DAB2: variants seen among roughly 807,000 people sequenced by gnomAD.
DAB2 encodes the protein disabled homolog 2.
Under a neutral mutation model 71.6 loss-of-function variants are expected in DAB2, and 28 were observed. The ratio of observed to expected loss-of-function variants is 0.39; its 90% CI spans 0.29 to 0.54. DAB2 has a LOEUF of 0.54. DAB2 is among the 20% of genes least tolerant of loss of function. The probability of loss-of-function intolerance (pLI) is 0.68; values close to 1 mark genes in which losing one functional copy is unlikely to be tolerated. For synonymous variants in DAB2, 345 were observed against 339.7 expected, an observed-to-expected ratio of 1.02 and a Z score of -0.17; for missense variants, 867 against 928.8, an observed-to-expected ratio of 0.93 and a Z score of 0.86.
intron 1 of DAB2, among the ~76,000 whole-genome samples, chr5:39,407,784 C>A (rs553298788): frequency 2.6e-5 from 4 of 152,128 alleles, no homozygotes; most frequent in Non-Finnish European, 5.9e-5. Flanking sequence ...AAACTCTATG[C>A]GGATGTTAGA....
chr5:39,388,255 A>T, intron 9 of DAB2, 50 bp downstream of exon 9: 2 of 1,330,416 alleles, frequency 1.5e-6, no homozygotes, highest in Non-Finnish European at 2.1e-6. Context: ...TGCCAATTTG[A>T]GTTATAGATG....
At chr5:39,383,916 G>A (rs115686877) in intron 9 of DAB2, among the ~76,000 whole-genome samples, 6,832 of 152,200 alleles carry the variant, frequency 0.045, 221 homozygotes, top group Non-Finnish European at 0.066. Context: ...CGGCCTTCAG[G>A]TATGTCTCTT....
chr5:39,396,015 C>T (rs1579914050), intron 1 of DAB2, among the ~76,000 whole-genome samples: 1 of 124,430 alleles, frequency 8.0e-6, no homozygotes, highest in East Asian at 2.4e-4. Flanking sequence ...CGATTTCGGC[C>T]CACTGCAACC....
At chr5:39,399,968 A>G (rs1468981010) in intron 1 of DAB2, among the ~76,000 whole-genome samples, 1 of 152,170 alleles carries the variant, frequency 6.6e-6, no homozygotes, top group Non-Finnish European at 1.5e-5. Context: ...TTGAAGCAAT[A>G]TCATAATACA....
At chr5:39,378,192 C>A (rs966537457) in intron 11 of DAB2, among the ~76,000 whole-genome samples, 1 of 152,224 alleles carries the variant, frequency 6.6e-6, no homozygotes, top group Non-Finnish European at 1.5e-5. Context: ...TTCGTTAAAT[C>A]GCCAGAATCC....
rs1211299591 is a variant in DAB2, at chr5:39,371,926, AACTATT to A, written c.*1499_*1504del. ...ATAGAAAATTATGCCATATATGATC[AACTATT>A]ACCATTAAACATAAAACCACAGGAC... On this transcript the variant is annotated 3_prime_UTR_variant, in exon 15 of 15. Transcript: ENST00000320816. 6.6e-6 allele frequency: 1 copy of A among 152,194 alleles called. No homozygotes were observed. Among genetic ancestry groups the A allele is most frequent in the Non-Finnish European group, 1.5e-5 (1 of 68,036 alleles). 9.4% of individuals were successfully genotyped at this position (152,194 alleles called of 1,614,324 possible). A position where few individuals can be genotyped will look rare whatever the true frequency, so the allele number is the denominator to read the frequency against.
chr5:39,398,092 T>A (rs1455242985), intron 1 of DAB2, among the ~76,000 whole-genome samples: 1 of 152,260 alleles, frequency 6.6e-6, no homozygotes, highest in Non-Finnish European at 1.5e-5. Context: ...CCGGATATCA[T>A]ACTTCACTGC....
chr5:39,419,137 G>A (rs1755915607), intron 1 of DAB2, among the ~76,000 whole-genome samples: 1 of 152,138 alleles, frequency 6.6e-6, no homozygotes, highest in Non-Finnish European at 1.5e-5. Flanking sequence ...GACTGTTTTT[G>A]CAAGGTAAGT....
At chr5:39,378,195 C>T (rs1484725503) in intron 11 of DAB2, among the ~76,000 whole-genome samples, 1 of 152,184 alleles carries the variant, frequency 6.6e-6, no homozygotes, top group Non-Finnish European at 1.5e-5. Context: ...GTTAAATCGC[C>T]AGAATCCAGG....
chr5:39,406,983 G>A (rs1000751883), intron 1 of DAB2, among the ~76,000 whole-genome samples: 7 of 152,132 alleles, frequency 4.6e-5, no homozygotes, highest in African/African-American at 1.7e-4. Context: ...TTTAAATTTG[G>A]CATCTAAATA....
chr5:39,414,101 A>G (rs1275952568), intron 1 of DAB2, among the ~76,000 whole-genome samples: 1 of 152,108 alleles, frequency 6.6e-6, no homozygotes, highest in Non-Finnish European at 1.5e-5. Context: ...GAAGTCAAAA[A>G]ACTCTTATGC....
At chr5:39,374,254 A>C (rs1392449923) in intron 14 of DAB2, among the ~76,000 whole-genome samples, 1 of 141,858 alleles carries the variant, frequency 7.0e-6, no homozygotes, top group Non-Finnish European at 1.6e-5. Context: ...TTCTACCCCT[A>C]CCAGCTGGCC....
At chr5:39,383,760 C>T (rs1755034650) in intron 9 of DAB2, among the ~76,000 whole-genome samples, 2 of 152,206 alleles carry the variant, frequency 1.3e-5, no homozygotes, top group Non-Finnish European at 2.9e-5. Flanking sequence ...CATGTAGGAT[C>T]ATCTCTCTAA....
intron 9 of DAB2, among the ~76,000 whole-genome samples, chr5:39,387,344 T>C (rs1755119060): frequency 6.6e-6 from 1 of 152,196 alleles, no homozygotes; most frequent in Admixed American, 6.5e-5. Flanking sequence ...TTTTTGTCTG[T>C]TTATTGCCTT....
At chr5:39,412,064 C>T (rs1279747822) in intron 1 of DAB2, among the ~76,000 whole-genome samples, 1 of 152,008 alleles carries the variant, frequency 6.6e-6, no homozygotes, top group Non-Finnish European at 1.5e-5. Flanking sequence ...AGAGCTGGGG[C>T]GGTTTCCTAC....
intron 1 of DAB2, among the ~76,000 whole-genome samples, chr5:39,419,752 G>A: frequency 6.6e-6 from 1 of 152,184 alleles, no homozygotes; most frequent in East Asian, 1.9e-4. Context: ...AACCCCAGCA[G>A]AGGGGAAAAG....
At chr5:39,381,404 T>C in intron 11 of DAB2, 50 bp downstream of exon 11, 1 of 1,571,150 alleles carries the variant, frequency 6.4e-7, no homozygotes, top group Non-Finnish European at 8.7e-7. Flanking sequence ...ATCATCATTT[T>C]ATGAGCAAAA....
rs1755012692 is a variant in DAB2 at position 39,382,856 on chromosome 5, C to A, written c.1103G>T (p.Ser368Ile). The A allele has an allele frequency of 6.2e-7, 1 of 1,614,128 alleles. No homozygotes were observed. Residue 368 changes from serine (S) to isoleucine (I), a missense_variant, in exon 10 of 15, where the codon AGT becomes ATT. By Grantham distance (142) the Ser-to-Ile change is moderately radical. Coordinates refer to ENST00000320816, the MANE Select transcript of DAB2 (RefSeq NM_001343.4). ...TCTCACTGCTGGCTGGGTTTGCGAA[C>A]TTGAAAAGGGCCATGGGCCTGCCTG... Reference protein sequence around the residue: ...EAQAGPWPFSSSQTQPAVRTQ... With the variant: ...EAQAGPWPFSISQTQPAVRTQ...
chr5:39,382,473 T>C (rs1185067200), intron 10 of DAB2, 145 bp downstream of exon 10: 2 of 836,698 alleles, frequency 2.4e-6, no homozygotes, highest in African/African-American at 3.4e-5. Flanking sequence ...AAAGTACTCC[T>C]GGAGAACCAA....
Sources: gnomAD v4.1 joint callset for allele counts (sites outside exome capture counted in the v4.1 genomes callset) on GRCh38, gnomAD v4.1.1 for gene constraint, MANE v1.5 for transcripts, NCBI Gene and HGNC (gene_info 2026-07-23, HGNC 2026-07-21) for gene names.